The following FAM83B variants were observed in gnomAD, a reference collection of about 807,000 sequenced individuals.
FAM83B encodes the protein protein FAM83B.
A neutral mutation model predicts 38.8 loss-of-function variants in FAM83B; 26 were observed. That is an observed-to-expected ratio of 0.67 (90% CI 0.49 to 0.93). FAM83B has a LOEUF of 0.93. Among genes scored for constraint, FAM83B ranks in the 40% least tolerant of loss-of-function variants. The pLI is 0.00. For synonymous variants in FAM83B, 419 were observed against 423.1 expected (o/e 0.99, Z 0.12); for missense variants, 1,237 against 1,197.3 (o/e 1.03, Z -0.49).
At chr6:54,914,062 T>C (rs1011729659) in intron 2 of FAM83B, among the ~76,000 whole-genome samples, 13 of 152,168 alleles carry the variant, frequency 8.5e-5, no homozygotes, top group African/African-American at 3.1e-4. Flanking sequence ...AAACAAGATC[T>C]GGTCCACACA....
At chr6:54,901,439 G>A (rs1051042159) in intron 2 of FAM83B, among the ~76,000 whole-genome samples, 3 of 152,118 alleles carry the variant, frequency 2.0e-5, no homozygotes, top group South Asian at 2.1e-4. Flanking sequence ...ATTTCTGAAA[G>A]CCATTATGTT....
chr6:54,881,668 T>C (rs1403996778), intron 2 of FAM83B, among the ~76,000 whole-genome samples: 2 of 152,122 alleles, frequency 1.3e-5, no homozygotes, highest in Non-Finnish European at 2.9e-5. Flanking sequence ...CTTTTTACAA[T>C]TGGGCAATGA....
At chr6:54,879,981 C>G (rs1772090818) in intron 2 of FAM83B, among the ~76,000 whole-genome samples, 1 of 152,198 alleles carries the variant, frequency 6.6e-6, no homozygotes, top group South Asian at 2.1e-4. Context: ...TAAGGAAAGT[C>G]CTTTTTTGTT....
chr6:54,905,185 G>C (rs2073614472), intron 2 of FAM83B, among the ~76,000 whole-genome samples: 1 of 152,140 alleles, frequency 6.6e-6, no homozygotes, highest in South Asian at 2.1e-4. Flanking sequence ...ATATAAGATG[G>C]TGGTGCTGTT....
At chr6:54,866,793 C>T (rs1771716630) in intron 1 of FAM83B, among the ~76,000 whole-genome samples, 1 of 152,044 alleles carries the variant, frequency 6.6e-6, no homozygotes, top group African/African-American at 2.4e-5. Context: ...AGTGCAGTTG[C>T]TGTGTTGTAT....
At position 54,942,034 on chromosome 6, in the gene FAM83B, T is replaced by A; in HGVS notation, c.*27T>A. Reference sequence around the variant, plus strand: ...TATTAAAATGCAAAATGAATGAGGCTATCAATATTTGTCCAAAGAAAATTG... The same window carrying A: ...TATTAAAATGCAAAATGAATGAGGCAATCAATATTTGTCCAAAGAAAATTG... On this transcript the variant is annotated 3_prime_UTR_variant, in exon 5 of 5. Transcript: ENST00000306858. The A allele has an allele frequency of 7.3e-6, 11 of 1,499,118 alleles. No individual in the cohort carries two copies. The highest frequency in any genetic ancestry group is 1.0e-5 in the Non-Finnish European group (11 of 1,100,468). 92.9% of individuals were successfully genotyped at this position (1,499,118 alleles called of 1,614,324 possible).
At chr6:54,874,290 A>G (rs1771936341) in intron 2 of FAM83B, among the ~76,000 whole-genome samples, 1 of 151,812 alleles carries the variant, frequency 6.6e-6, no homozygotes, top group African/African-American at 2.4e-5. Flanking sequence ...TTTCTTTTGT[A>G]TGTTTGCTTA....
In FAM83B at chr6:54,870,593, TA is replaced by T. The variant is rs1771825882; in HGVS notation, c.348del (p.Gly118AlafsTer4). ...LGWPYVMPGL[L>X]GGTHIDLLFH... ...TGGCCATATGTGATGCCCGGACTCT[TA>T]GGGGGCACCCATATAGATCTCCTTT... On this transcript the variant is annotated frameshift_variant, in exon 2 of 5. Coordinates refer to ENST00000306858, the MANE Select transcript of FAM83B (RefSeq NM_001010872.3). LOFTEE classifies it high-confidence loss of function. 1.9e-6 allele frequency: 3 copies of T among 1,613,996 alleles called. No homozygotes were observed. The highest frequency in any genetic ancestry group is 2.5e-6 in the Non-Finnish European group (3 of 1,179,962).
At chr6:54,875,322 C>G (rs576912445) in intron 2 of FAM83B, among the ~76,000 whole-genome samples, 1 of 152,212 alleles carries the variant, frequency 6.6e-6, no homozygotes, top group Admixed American at 6.5e-5. Flanking sequence ...TCCTGCCCAG[C>G]TAAGTGTTAT....
intron 2 of FAM83B, among the ~76,000 whole-genome samples, chr6:54,881,873 C>T (rs1037301723): frequency 5.3e-5 from 8 of 152,172 alleles, no homozygotes; most frequent in Non-Finnish European, 1.2e-4. Flanking sequence ...GTTAACTGGT[C>T]ATTTACATTA....
chr6:54,941,991 T>C lies in FAM83B; in HGVS notation c.3020T>C (p.Ile1007Thr). The C allele has an allele frequency of 6.3e-7, 1 of 1,595,146 alleles. No individual in the cohort carries two copies. Among genetic ancestry groups the C allele is most frequent in the Non-Finnish European group, 8.5e-7 (1 of 1,172,274 alleles). The change falls in exon 5 of 5, where the codon ATA (isoleucine) becomes ACA (threonine). Residue 1007 changes from isoleucine (I) to threonine (T), a missense_variant. Ile to Thr is a moderately conservative substitution (Grantham distance 89). Transcript: ENST00000306858. ...TTTATGCAAAAGTTTGGAAACTTTA[T>C]ACACAAAAATAAATAGCTATTAAAA... ...RGFMQKFGNF[I>T]HKNK
chr6:54,894,954 T>C (rs1401249521), intron 2 of FAM83B, among the ~76,000 whole-genome samples: 2 of 152,214 alleles, frequency 1.3e-5, no homozygotes, highest in Non-Finnish European at 2.9e-5. Context: ...CAAAGAGTCT[T>C]TCATTTGATC....
intron 2 of FAM83B, among the ~76,000 whole-genome samples, chr6:54,897,925 GA>G (rs1285774162): frequency 1.3e-5 from 2 of 152,028 alleles, no homozygotes; most frequent in Non-Finnish European, 2.9e-5. Flanking sequence ...GAAAATACCC[GA>G]ATGAATAAGA....
chr6:54,934,003 C>T (rs1773478515), intron 4 of FAM83B, among the ~76,000 whole-genome samples: 1 of 152,100 alleles, frequency 6.6e-6, no homozygotes, highest in African/African-American at 2.4e-5. Context: ...GTTTTTCAAC[C>T]TGTATGGCTG....
intron 1 of FAM83B, among the ~76,000 whole-genome samples, chr6:54,853,641 GA>G (rs1034057676): frequency 2.0e-5 from 3 of 151,862 alleles, no homozygotes; most frequent in Non-Finnish European, 4.4e-5. Flanking sequence ...CTACTTCTCA[GA>G]AAAAAAAGAT....
chr6:54,916,899 C>A (rs191993262), intron 2 of FAM83B, among the ~76,000 whole-genome samples: 1 of 152,230 alleles, frequency 6.6e-6, no homozygotes, highest in East Asian at 1.9e-4. Context: ...ATCTTGCAGA[C>A]CTTGCTCTCT....
intron 2 of FAM83B, among the ~76,000 whole-genome samples, chr6:54,878,861 C>T (rs144671162): frequency 5.5e-4 from 84 of 152,188 alleles, no homozygotes; most frequent in African/African-American, 1.9e-3. Context: ...TCAGATATTA[C>T]TAAAATAATT....
At position 54,927,419 on chromosome 6, in the gene FAM83B, A is replaced by G. The variant is rs1312751278; in HGVS notation, c.610-89A>G. 2.3e-5 allele frequency: 25 copies of G among 1,075,986 alleles called. 1 individual carries two copies. In the East Asian group the frequency reaches 6.3e-4, roughly 27 times the overall value. 66.7% of individuals were successfully genotyped at this position (1,075,986 alleles called of 1,614,324 possible). A position where few individuals can be genotyped will look rare whatever the true frequency, so the allele number is the denominator to read the frequency against. On this transcript the variant is annotated intron_variant, in intron 3 of 4. Coordinates refer to ENST00000306858, the MANE Select transcript of FAM83B (RefSeq NM_001010872.3). ...AATTACCTTAAGTAAATTTTTTTATATTAAGATTCTATCATGATATGGATT... is the reference window on the plus strand; with the variant it reads ...AATTACCTTAAGTAAATTTTTTTATGTTAAGATTCTATCATGATATGGATT...
chr6:54,861,641 G>C (rs1771586013), intron 1 of FAM83B, among the ~76,000 whole-genome samples: 1 of 152,196 alleles, frequency 6.6e-6, no homozygotes, highest in Non-Finnish European at 1.5e-5. Flanking sequence ...TGTCATTTCA[G>C]TTTATAAAAT....
Sources: gnomAD v4.1 joint callset for allele counts (sites outside exome capture counted in the v4.1 genomes callset) on GRCh38, gnomAD v4.1.1 for gene constraint, MANE v1.5 for transcripts, NCBI Gene and HGNC (gene_info 2026-07-23, HGNC 2026-07-21) for gene names.